DNAH10: variants seen among roughly 807,000 people sequenced by gnomAD.
DNAH10 encodes the protein axonemal beta dynein heavy chain 10.
A neutral mutation model predicts 506.6 loss-of-function variants in DNAH10; 348 were observed. The observed-to-expected ratio is 0.69, with a 90% CI of 0.63 to 0.75. The LOEUF (loss-of-function observed/expected upper bound fraction) is 0.75, where lower values mean the gene tolerates loss of function less well. Ranked by LOEUF, DNAH10 falls within the 30% of genes least tolerant of loss-of-function variation. The probability of loss-of-function intolerance (pLI) is 0.00; values close to 1 mark genes in which losing one functional copy is unlikely to be tolerated. For synonymous variants in DNAH10, 2,059 were observed against 2,198.6 expected (o/e 0.94, Z 1.78); for missense variants, 5,179 against 5,787.1 (o/e 0.89, Z 3.41).
intron 70 of DNAH10, 102 bp from the exon 71 acceptor site, chr12:123,929,173 C>A: frequency 8.1e-7 from 1 of 1,228,536 alleles, no homozygotes; most frequent in Non-Finnish European, 1.2e-6. Context: ...AGACAGATGG[C>A]TCCGTAGAGA....
intron 5 of DNAH10, among the ~76,000 whole-genome samples, chr12:123,777,682 G>A (rs1408130599): frequency 6.6e-6 from 1 of 152,090 alleles, no homozygotes; most frequent in Non-Finnish European, 1.5e-5. Context: ...GTCTCATTCT[G>A]CCACCTAGGC....
At position 123,929,397 on chromosome 12, in the gene DNAH10, G is replaced by C; in HGVS notation, c.12429G>C (p.Ala4143=). Residue 4143 remains alanine (A), a synonymous_variant, in exon 71 of 79, where the codon GCG becomes GCC. Coordinates refer to ENST00000673944, the MANE Select transcript of DNAH10 (RefSeq NM_001372106.1). The part of the protein sequence containing the change: ...PAFKPLVYVL[A]FFHAVVQERR... Reference sequence around the variant, plus strand: ...TCAAGCCGCTGGTCTACGTGCTGGCGTTCTTTCATGCTGTGGTGCAGGAGA... The same window carrying C: ...TCAAGCCGCTGGTCTACGTGCTGGCCTTCTTTCATGCTGTGGTGCAGGAGA... 6.2e-7 allele frequency: 1 copy of C among 1,613,468 alleles called. No individual in the cohort carries two copies. Among genetic ancestry groups the C allele is most frequent in the East Asian group, 2.2e-5 (1 of 44,894 alleles).
intron 62 of DNAH10, among the ~76,000 whole-genome samples, chr12:123,915,621 G>A (rs758715250): frequency 6.6e-6 from 1 of 152,148 alleles, no homozygotes; most frequent in Non-Finnish European, 1.5e-5. Flanking sequence ...GGACTCAGAC[G>A]CTGTGTGGCC....
rs892553129 is a variant in DNAH10 at position 123,935,525 on chromosome 12, T to A, written c.*44T>A. The A allele has an allele frequency of 6.6e-7, 1 of 1,512,372 alleles. No homozygotes were observed. The highest frequency in any genetic ancestry group is 1.2e-5 in the South Asian group (1 of 83,656). 93.7% of individuals were successfully genotyped at this position (1,512,372 alleles called of 1,614,324 possible). A position where few individuals can be genotyped will look rare whatever the true frequency, so the allele number is the denominator to read the frequency against. On this transcript the variant is annotated 3_prime_UTR_variant, in exon 79 of 79. Coordinates refer to ENST00000673944, the MANE Select transcript of DNAH10 (RefSeq NM_001372106.1). Reference sequence around the variant, plus strand: ...TGCTTAATGAATTCGGAGCCTGGGGTTGTCAGAGTGATCGGGTCTGCTGTC... The same window carrying A: ...TGCTTAATGAATTCGGAGCCTGGGGATGTCAGAGTGATCGGGTCTGCTGTC...
intron 2 of DNAH10, among the ~76,000 whole-genome samples, chr12:123,770,986 T>A (rs1957232666): frequency 6.7e-6 from 1 of 150,130 alleles, no homozygotes; most frequent in South Asian, 2.1e-4. Flanking sequence ...TTTTTTTTTT[T>A]TTTTTTGAGA....
chr12:123,934,509 G>A, intron 77 of DNAH10, 112 bp from the exon 78 acceptor site: 1 of 1,359,710 alleles, frequency 7.4e-7, no homozygotes. Context: ...CAATGCGCTG[G>A]GGAGGAGGCC....
intron 29 of DNAH10, among the ~76,000 whole-genome samples, chr12:123,839,512 A>G (rs561642825): frequency 4.6e-5 from 7 of 152,242 alleles, no homozygotes; most frequent in Non-Finnish European, 7.4e-5. Flanking sequence ...CTACCTTTCA[A>G]TGTTGGCTAA....
rs75866956 is a variant in DNAH10, at chr12:123,771,550, G to T, written c.299-51G>T. On this transcript the variant is annotated intron_variant, in intron 2 of 78. Transcript: ENST00000673944. ...AAATGCAGGGCTGCTCTTGATGGTA[G>T]GAAACCTAATTTTCTGATTATTTTC... 2,870 of 1,520,220 alleles carry T rather than the reference G, an allele frequency of 1.9e-3. 38 individuals are homozygous for T. The African/African-American group carries it at 0.032, about 17-fold the overall frequency. The allele number at this position is 1,520,220 out of a possible 1,614,324, so 94.2% of individuals were successfully genotyped here. A position where few individuals can be genotyped will look rare whatever the true frequency, so the allele number is the denominator to read the frequency against.
chr12:123,918,402 G>T (rs1371544897), intron 64 of DNAH10, among the ~76,000 whole-genome samples: 1 of 152,218 alleles, frequency 6.6e-6, no homozygotes, highest in African/African-American at 2.4e-5. Flanking sequence ...TCCTGGAGTC[G>T]GGGTGGAACC....
rs200265820 is a variant in DNAH10 at position 123,859,326 on chromosome 12, T to C, written c.6749+58T>C. On this transcript the variant is annotated intron_variant, in intron 38 of 78. Transcript: ENST00000673944. ...GCCACAGGGGCTCACAGTATATGTT[T>C]GGTGCCAGTATTACCAAGTCCCACT... The C allele has an allele frequency of 2.6e-3, 3,553 of 1,358,946 alleles. 132 individuals carry two copies. In the South Asian group the frequency reaches 0.051, roughly 19 times the overall value. 84.2% of individuals were successfully genotyped at this position (1,358,946 alleles called of 1,614,324 possible).
intron 21 of DNAH10, among the ~76,000 whole-genome samples, chr12:123,818,693 G>C (rs1056722191): frequency 6.6e-6 from 1 of 152,006 alleles, no homozygotes; most frequent in Non-Finnish European, 1.5e-5. Flanking sequence ...TGTTGCCCAG[G>C]CTGGTCTCAA....
In DNAH10 at chr12:123,929,458, T is replaced by C. The variant is rs368505985; in HGVS notation, c.12490T>C (p.Tyr4164His). Residue 4164 changes from tyrosine (Y) to histidine (H), a missense_variant, in exon 71 of 79, where the codon TAT becomes CAT. By Grantham distance (83) the Tyr-to-His change is moderately conservative. Around this residue, in one of 3 missense-constraint regions of DNAH10, gnomAD observed 4,844 missense variants for 5,430.5 expected, o/e 0.89. Coordinates refer to ENST00000673944, the MANE Select transcript of DNAH10 (RefSeq NM_001372106.1). Reference protein sequence around the residue: ...KFGKIGWNVYYDFNESDFQVC... With the variant: ...KFGKIGWNVYHDFNESDFQVC... ...TGGGAAGATTGGCTGGAACGTGTAC[T>C]ATGACTTCAATGAGTCTGACTTCCA... 16 of 1,613,480 alleles carry C rather than the reference T, an allele frequency of 9.9e-6. No individual in the cohort carries two copies. Among genetic ancestry groups the C allele is most frequent in the African/African-American group, 1.3e-5 (1 of 74,930 alleles).
Position 123,772,857 on chromosome 12 carries a change from A to G in DNAH10, c.420A>G (p.Glu140=). ...PSKRTAKHIM[E]KMHLHMLCTP... is the part of the protein sequence containing the mutation. Reference sequence around the variant, plus strand: ...AGAGAACTGCGAAGCACATCATGGAAAAGATGCATCTCCACATGCTCTGTA... The same window carrying G: ...AGAGAACTGCGAAGCACATCATGGAGAAGATGCATCTCCACATGCTCTGTA... The change falls in exon 4 of 79, where the codon GAA becomes GAG. Residue 140 remains glutamate (E), a synonymous_variant. Transcript: ENST00000673944. The G allele has an allele frequency of 6.2e-7, 1 of 1,607,166 alleles. No individual in the cohort carries two copies.
chr12:123,772,005 C>A (rs1181008153), intron 3 of DNAH10, among the ~76,000 whole-genome samples: 1 of 152,186 alleles, frequency 6.6e-6, no homozygotes, highest in Non-Finnish European at 1.5e-5. Context: ...TCTGTTCCCT[C>A]CCAATGGAGT....
At chr12:123,889,359 G>A (rs1191567787) in intron 52 of DNAH10, among the ~76,000 whole-genome samples, 2 of 152,196 alleles carry the variant, frequency 1.3e-5, no homozygotes, top group Non-Finnish European at 2.9e-5. Context: ...GTTTTAAGTT[G>A]CGTCTGTTTC....
Position 123,804,879 on chromosome 12 carries a change from C to A in DNAH10, c.2826C>A (p.Asp942Glu), listed in dbSNP as rs769392126. The A allele has an allele frequency of 9.1e-5, 146 of 1,613,204 alleles. No individual in the cohort carries two copies. The highest frequency in any genetic ancestry group is 1.2e-4 in the Non-Finnish European group (139 of 1,180,018). ...FEHIERERAS[D>E]VDHMVRWYLA... ...ACATTGAGCGAGAAAGGGCCAGCGACGTGGACCACATGGTCCGGTGGTATC... is the reference window on the plus strand; with the variant it reads ...ACATTGAGCGAGAAAGGGCCAGCGAAGTGGACCACATGGTCCGGTGGTATC... The change falls in exon 18 of 79, where the codon GAC becomes GAA. Residue 942 changes from aspartate to glutamate, a missense_variant. Coordinates refer to ENST00000673944, the MANE Select transcript of DNAH10 (RefSeq NM_001372106.1).
At chr12:123,880,534 G>A (rs1952458874) in intron 50 of DNAH10, among the ~76,000 whole-genome samples, 2 of 151,710 alleles carry the variant, frequency 1.3e-5, no homozygotes, top group South Asian at 4.2e-4. Context: ...TTGTAGAGAC[G>A]TAGTCTTGCT....
chr12:123,871,398 C>A, intron 44 of DNAH10, 59 bp from the exon 45 acceptor site: 1 of 1,550,160 alleles, frequency 6.5e-7, no homozygotes, highest in East Asian at 2.4e-5. Flanking sequence ...TCCATGTTGC[C>A]CCCAGTGCTC....
intron 66 of DNAH10, 37 bp from the exon 67 acceptor site, chr12:123,924,241 G>A (rs934662930): frequency 1.3e-6 from 2 of 1,579,406 alleles, no homozygotes; most frequent in Non-Finnish European, 1.7e-6. Flanking sequence ...TGTGTTAGTG[G>A]TACAATGGCT....
Sources: allele counts gnomAD v4.1 joint callset (sites outside exome capture counted in the v4.1 genomes callset), GRCh38; gene constraint gnomAD v4.1.1; regional missense constraint gnomAD v4.1.1; transcripts MANE v1.5; gene names NCBI Gene and HGNC (gene_info 2026-07-23, HGNC 2026-07-21).